AFF1: variants seen among roughly 807,000 people sequenced by gnomAD.
The protein encoded by AFF1 is AF4/FMR2 family member 1.
AFF1 carries 48 observed loss-of-function variants against 121.7 expected under a neutral mutation model. The observed-to-expected ratio is 0.39, with a 90% CI of 0.31 to 0.50. The LOEUF is 0.50. Ranked by LOEUF, AFF1 falls within the 20% of genes least tolerant of loss-of-function variation. The pLI, the probability that AFF1 is intolerant of heterozygous loss-of-function variation, is 0.76. For synonymous variants in AFF1, 613 were observed against 563.0 expected, an observed-to-expected ratio of 1.09 and a Z score of -1.26; for missense variants, 1,523 against 1,511.7, an observed-to-expected ratio of 1.01 and a Z score of -0.12.
At position 87,084,078 on chromosome 4, in the gene AFF1, C is replaced by T. The variant is rs780923054; in HGVS notation, c.1060-42C>T. 3.8e-6 allele frequency: 6 copies of T among 1,596,960 alleles called. No homozygotes were observed. In the Admixed American group the frequency reaches 8.3e-5, roughly 22 times the overall value. ...CATCCACCAGTACCATCACTCTTGA[C>T]TCTGGTTTGCTAACCTTTTATTTTT... On this transcript the variant is annotated intron_variant, in intron 4 of 20. Transcript: ENST00000395146.
chr4:86,995,427 TCA>T (rs1264103608), intron 2 of AFF1, among the ~76,000 whole-genome samples: 4 of 150,834 alleles, frequency 2.7e-5, no homozygotes, highest in African/African-American at 9.7e-5. Flanking sequence ...TTCTCCTGCC[TCA>T]GCCTGCCGAG....
In AFF1 at chr4:87,035,485, C is replaced by T. The variant is rs1341015282; in HGVS notation, c.39-10681C>T. The stretch of plus-strand genomic sequence containing the variant: ...TTGAGGCAGGAGAATGATGTGAACC[C>T]GGGAGGCGGAGCTTGCAGTGAGCGG... On this transcript the variant is annotated intron_variant, in intron 2 of 20. Transcript: ENST00000395146. Among the ~76,000 whole-genome samples the T allele has an allele frequency of 1.3e-4, 19 of 151,944 alleles. No individual in the cohort carries two copies. The East Asian group carries it at 1.9e-3, about 16-fold the overall frequency.
At chr4:87,031,931 G>A (rs1729125394) in intron 2 of AFF1, among the ~76,000 whole-genome samples, 1 of 152,220 alleles carries the variant, frequency 6.6e-6, no homozygotes, top group African/African-American at 2.4e-5. Context: ...CTGAAGGTTA[G>A]AGGGATGCTT....
intron 2 of AFF1, among the ~76,000 whole-genome samples, chr4:87,030,413 T>A (rs1043169712): frequency 2.0e-5 from 3 of 152,260 alleles, no homozygotes; most frequent in African/African-American, 4.8e-5. Context: ...ATCCCTGGAC[T>A]AGCCCATCCT....
chr4:87,077,324 G>A (rs1011319602), intron 4 of AFF1, among the ~76,000 whole-genome samples: 6 of 152,082 alleles, frequency 3.9e-5, no homozygotes, highest in Admixed American at 1.3e-4. Context: ...TCAGTGTGGC[G>A]TGTATTACGT....
At chr4:86,983,699 A>G (rs1560517166) in intron 2 of AFF1, among the ~76,000 whole-genome samples, 1 of 150,828 alleles carries the variant, frequency 6.6e-6, no homozygotes, top group Non-Finnish European at 1.5e-5. Flanking sequence ...ACAGAGCAAG[A>G]CTCTGTCTCA....
Position 87,135,940 on chromosome 4 carries a change from T to A in AFF1, c.*239T>A, listed in dbSNP as rs1330925345. The A allele has an allele frequency of 3.9e-6, 2 of 509,842 alleles. No homozygotes were observed. The highest frequency in any genetic ancestry group is 2.0e-5 in the African/African-American group (1 of 51,060). 31.6% of individuals were successfully genotyped at this position (509,842 alleles called of 1,614,324 possible). A position where few individuals can be genotyped will look rare whatever the true frequency, so the allele number is the denominator to read the frequency against. On this transcript the variant is annotated 3_prime_UTR_variant, in exon 21 of 21. Coordinates refer to ENST00000395146, the MANE Select transcript of AFF1 (RefSeq NM_001166693.3). ...CAGAGATGATCTTGCCCTTCCTAAC[T>A]AAAGGACAGAAGTGCAATTTAGCTT...
chr4:87,040,992 C>G (rs1730087868), intron 2 of AFF1, among the ~76,000 whole-genome samples: 1 of 149,898 alleles, frequency 6.7e-6, no homozygotes, highest in African/African-American at 2.5e-5. Flanking sequence ...TCTCCTGCCT[C>G]AGCCTCCTGA....
intron 3 of AFF1, 71 bp downstream of exon 3, chr4:87,046,357 G>A: frequency 6.5e-7 from 1 of 1,537,734 alleles, no homozygotes; most frequent in Non-Finnish European, 8.8e-7. Flanking sequence ...AAACAATTCA[G>A]TATAATTGAG....
chr4:87,121,375 A>G (rs188614915), intron 12 of AFF1, among the ~76,000 whole-genome samples: 78 of 152,276 alleles, frequency 5.1e-4, no homozygotes, highest in African/African-American at 1.5e-3. Context: ...TGCTCACCCA[A>G]TATTGCATGG....
intron 4 of AFF1, among the ~76,000 whole-genome samples, chr4:87,073,213 G>A (rs371094417): frequency 7.1e-6 from 1 of 140,518 alleles, no homozygotes; most frequent in Admixed American, 7.6e-5. Context: ...ACATTCCCAG[G>A]ATGACCTTGA....
At chr4:87,012,954 C>G (rs1249690314) in intron 2 of AFF1, among the ~76,000 whole-genome samples, 1 of 150,580 alleles carries the variant, frequency 6.6e-6, no homozygotes, top group Non-Finnish European at 1.5e-5. Context: ...AAGTCTTGTT[C>G]TCTGCTGAAT....
At position 87,138,008 on chromosome 4, in the gene AFF1, A is replaced by G. The variant is rs1371812988; in HGVS notation, c.*2307A>G. 2.2e-5 allele frequency: 5 copies of G among 226,416 alleles called. No individual in the cohort carries two copies. In the East Asian group the frequency reaches 3.1e-4, roughly 14 times the overall value. The allele number at this position is 226,416 out of a possible 1,614,324, so 14.0% of individuals were successfully genotyped here. ...CAGCTCTAAAACAGATTGCTTTTTC[A>G]GTGGCCTTACTCTTTGTGGGTTTTT... is the stretch of plus-strand genomic sequence containing the variant. On this transcript the variant is annotated 3_prime_UTR_variant, in exon 21 of 21. Coordinates refer to ENST00000395146, the MANE Select transcript of AFF1 (RefSeq NM_001166693.3).
intron 5 of AFF1, among the ~76,000 whole-genome samples, chr4:87,086,016 G>T (rs1176187514): frequency 6.6e-5 from 10 of 152,188 alleles, no homozygotes; most frequent in Admixed American, 6.5e-4. Context: ...TGGGATTACA[G>T]GCGTGAGCCA....
At chr4:87,128,603 G>T (rs1406268285) in intron 16 of AFF1, among the ~76,000 whole-genome samples, 3 of 152,082 alleles carry the variant, frequency 2.0e-5, no homozygotes, top group Non-Finnish European at 4.4e-5. Flanking sequence ...CACCCACAGG[G>T]GTCTGAATCA....
At chr4:87,077,635 G>A (rs1722801078) in intron 4 of AFF1, among the ~76,000 whole-genome samples, 1 of 151,890 alleles carries the variant, frequency 6.6e-6, no homozygotes, top group Non-Finnish European at 1.5e-5. Flanking sequence ...ACTTTCTTGT[G>A]TATCATTCCC....
At position 87,094,964 on chromosome 4, in the gene AFF1, G is replaced by A. The variant is rs145877283; in HGVS notation, c.1278G>A (p.Thr426=). ...SKTHSNSQQG[T]SSMLEDDLQL... ...CTCACTCAAATTCTCAGCAAGGAAC[G>A]TCATCGTAAGTGAAATGCTTTTTGT... The change falls in exon 8 of 21, where the codon ACG becomes ACA. Residue 426 remains threonine, a synonymous_variant. Coordinates refer to ENST00000395146, the MANE Select transcript of AFF1 (RefSeq NM_001166693.3). 1.2e-4 allele frequency: 195 copies of A among 1,612,940 alleles called. 1 individual carries two copies. In the Middle Eastern group the frequency reaches 4.6e-3, roughly 38 times the overall value.
At chr4:86,994,634 C>T (rs1223260184) in intron 2 of AFF1, among the ~76,000 whole-genome samples, 1 of 152,206 alleles carries the variant, frequency 6.6e-6, no homozygotes, top group Non-Finnish European at 1.5e-5. Context: ...ATCCATCCAG[C>T]ATCATGACTT....
At chr4:86,938,253 C>T (rs916304304) in intron 1 of AFF1, among the ~76,000 whole-genome samples, 2 of 152,066 alleles carry the variant, frequency 1.3e-5, no homozygotes, top group African/African-American at 2.4e-5. Flanking sequence ...GGTTCTGGAC[C>T]AGCCTGACCA....
Sources: gnomAD v4.1 joint callset for allele counts (sites outside exome capture counted in the v4.1 genomes callset) on GRCh38, gnomAD v4.1.1 for gene constraint, MANE v1.5 for transcripts, NCBI Gene and HGNC (gene_info 2026-07-23, HGNC 2026-07-21) for gene names.